The following PGC variants were observed in gnomAD, a reference collection of about 807,000 sequenced individuals.
PGC encodes gastricsin.
PGC carries 31 observed loss-of-function variants against 45.9 expected under a neutral mutation model. The ratio of observed to expected loss-of-function variants is 0.67; its 90% CI spans 0.51 to 0.91. The LOEUF (loss-of-function observed/expected upper bound fraction) is 0.91, where lower values mean the gene tolerates loss of function less well. Ranked by LOEUF, PGC falls within the 40% of genes least tolerant of loss-of-function variation. PGC has a pLI of 0.00. For missense variants in PGC, 477 were observed against 493.2 expected, an observed-to-expected ratio of 0.97 and a Z score of 0.31; for synonymous variants, 192 against 201.8, an observed-to-expected ratio of 0.95 and a Z score of 0.41.
rs757735388 is a variant in PGC at position 41,742,287 on chromosome 6, C to T, written c.647+3G>A. 1.9e-6 allele frequency: 3 copies of T among 1,613,074 alleles called. No individual in the cohort carries two copies. Among genetic ancestry groups the T allele is most frequent in the Admixed American group, 3.3e-5 (2 of 60,006 alleles). ...GGTGGGGACTGGCCAGCTGGTTGCT[C>T]ACTTGCTGAGGTAGACGCTGAAGAC... On this transcript the variant is annotated splice_donor_region_variant and intron_variant, in intron 5 of 8. Transcript: ENST00000373025.
intron 7 of PGC, among the ~76,000 whole-genome samples, chr6:41,738,201 T>TACATATATATAC (rs1561879826): frequency 6.4e-5 from 1 of 15,664 alleles, no homozygotes; most frequent in Non-Finnish European, 2.5e-4. Flanking sequence ...CATATATATA[T>TACATATATATAC]GCATATATAT....
At chr6:41,741,925 G>A in intron 5 of PGC, 1 of 1,125,606 alleles carries the variant, frequency 8.9e-7, no homozygotes, top group Non-Finnish European at 1.3e-6. Context: ...CGGTCAGAAG[G>A]AAGTGAGCGA....
rs1253348248 is a variant in PGC, at chr6:41,744,855, T to C, written c.60-47A>G. ...GGCAAGGCCCTCCCTCCTTCCTCTC[T>C]TCCCACTCCTCTCTTTCTCTCTCTC... On this transcript the variant is annotated intron_variant, in intron 1 of 8. Coordinates refer to ENST00000373025, the MANE Select transcript of PGC (RefSeq NM_002630.4). The surrounding 1 kb of genome is among the most constrained non-coding windows in gnomAD (Gnocchi z 4.4). The C allele has an allele frequency of 1.3e-6, 2 of 1,537,736 alleles. No individual in the cohort carries two copies. The highest frequency in any genetic ancestry group is 1.8e-5 in the Admixed American group (1 of 55,642).
At position 41,744,678 on chromosome 6, in the gene PGC, C is replaced by T. The variant is rs763869924; in HGVS notation, c.190G>A (p.Glu64Lys). 3 of 1,614,122 alleles carry T rather than the reference C, an allele frequency of 1.9e-6. No homozygotes were observed. Among genetic ancestry groups the T allele is most frequent in the Non-Finnish European group, 8.5e-7 (1 of 1,180,014 alleles). Residue 64 changes from glutamate (E) to lysine (K), a missense_variant, in exon 2 of 9, where the codon GAG becomes AAG. Transcript: ENST00000373025. The surrounding 1 kb of genome is among the most constrained non-coding windows in gnomAD (Gnocchi z 4.4). ...CTCACATCCATGTAGGCCATGGGCT[C>T]GTAGGTCACGCTGAGGTCACCAAAG... is the stretch of plus-strand genomic sequence containing the variant. ...YRFGDLSVTY[E>K]PMAYMDAAYF...
Position 41,739,921 on chromosome 6 carries a change from C to A in PGC, c.793G>T (p.Gly265Cys), listed in dbSNP as rs201201501. ...EEFLIGGQAS[G>C]WCSEGCQAIV... ...GCCTGGCAACCCTCAGAACACCAGC[C>A]GGAGGCCTGGCCGCCGATGAGGAAC... is the stretch of plus-strand genomic sequence containing the variant. The change falls in exon 7 of 9, where the codon GGC (glycine) becomes TGC (cysteine). Residue 265 changes from glycine (G) to cysteine (C), a missense_variant. Coordinates refer to ENST00000373025, the MANE Select transcript of PGC (RefSeq NM_002630.4). 6.2e-7 allele frequency: 1 copy of A among 1,614,040 alleles called. No homozygotes were observed. The highest frequency in any genetic ancestry group is 1.1e-5 in the South Asian group (1 of 91,088).
intron 6 of PGC, among the ~76,000 whole-genome samples, chr6:41,740,214 T>C (rs1051491134): frequency 6.6e-6 from 1 of 152,150 alleles, no homozygotes; most frequent in Admixed American, 6.5e-5. Flanking sequence ...ACACCTTCGT[T>C]TCTAATCTGT....
chr6:41,742,254 T>C (rs995269598), intron 5 of PGC, 36 bp downstream of exon 5: 1 of 1,593,124 alleles, frequency 6.3e-7, no homozygotes, highest in South Asian at 1.1e-5. Context: ...CGGGGGAGCA[T>C]CCCGGGAGGT....
At position 41,740,480 on chromosome 6, in the gene PGC, C is replaced by T. The variant is rs750621883; in HGVS notation, c.767+11G>A. On this transcript the variant is annotated intron_variant, in intron 6 of 8. Transcript: ENST00000373025. Reference sequence around the variant, plus strand: ...AAGTGCCACATCCCCAGGGCCCCACCGCAGACTCACTCTTCAATGCCAATC... The same window carrying T: ...AAGTGCCACATCCCCAGGGCCCCACTGCAGACTCACTCTTCAATGCCAATC... 1.4e-5 allele frequency: 23 copies of T among 1,603,998 alleles called. No homozygotes were observed. Among genetic ancestry groups the T allele is most frequent in the South Asian group, 1.3e-4 (12 of 89,730 alleles).
rs139553524 is a variant in PGC, at chr6:41,743,312, T to A, written c.406A>T (p.Ser136Cys). The stretch of plus-strand genomic sequence containing the variant: ...CCAAAGAAGCCGGTGAGGCTGCCAC[T>A]GCCATACTGCAGGGAGAAGGTCTGC... ...NGQTFSLQYG[S>C]GSLTGFFGYD... Residue 136 changes from serine to cysteine, a missense_variant, in exon 4 of 9, where the codon AGT (serine) becomes TGT (cysteine). Physicochemically the swap from Ser to Cys is moderately radical, Grantham distance 112 (BLOSUM62 -1). Transcript: ENST00000373025. 6.2e-7 allele frequency: 1 copy of A among 1,613,972 alleles called. No individual in the cohort carries two copies. Among genetic ancestry groups the A allele is most frequent in the Non-Finnish European group, 8.5e-7 (1 of 1,179,840 alleles).
At chr6:41,738,171 T>TGC (rs1561879714) in intron 7 of PGC, among the ~76,000 whole-genome samples, 10 of 52,354 alleles carry the variant, frequency 1.9e-4, no homozygotes, top group Non-Finnish European at 3.4e-4. Flanking sequence ...TATATGCATA[T>TGC]ATATATACAT....
chr6:41,744,815 A>G lies in PGC; in HGVS notation c.60-7T>C. On this transcript the variant is annotated splice_polypyrimidine_tract_variant and splice_region_variant and intron_variant, in intron 1 of 8. Transcript: ENST00000373025. The surrounding 1 kb of genome is among the most constrained non-coding windows in gnomAD (Gnocchi z 4.4). ...AAATTTCTTCAGGGGCACTCTACAG[A>G]AAGGTTGCATATGAGGCAAGGCCCT... The G allele has an allele frequency of 6.2e-7, 1 of 1,613,138 alleles. No homozygotes were observed. Among genetic ancestry groups the G allele is most frequent in the Non-Finnish European group, 8.5e-7 (1 of 1,179,526 alleles).
At chr6:41,746,144 A>G (rs1350280817) in intron 1 of PGC, among the ~76,000 whole-genome samples, 2 of 150,578 alleles carry the variant, frequency 1.3e-5, no homozygotes, top group African/African-American at 5.0e-5. Context: ...CCTGGGCAAC[A>G]AGAGCGAAGT....
rs547995111 is a variant in PGC, at chr6:41,740,851, G to C, written c.648-241C>G. 5.6e-6 allele frequency: 8 copies of C among 1,429,758 alleles called. No individual in the cohort carries two copies. The East Asian group carries it at 2.0e-4, about 36-fold the overall frequency. The allele number at this position is 1,429,758 out of a possible 1,614,324, so 88.6% of individuals were successfully genotyped here. On this transcript the variant is annotated intron_variant, in intron 5 of 8. Coordinates refer to ENST00000373025, the MANE Select transcript of PGC (RefSeq NM_002630.4). ...ACTGGGCCTCCCTGAGGACGAGTCT[G>C]TGTCTCCCTCAGACTGGGGCTCCCT...
rs765013597 is a variant in PGC, at chr6:41,744,655, C to T, written c.210+3G>A. On this transcript the variant is annotated splice_donor_region_variant and intron_variant, in intron 2 of 8. Transcript: ENST00000373025. This position sits in a 1 kb window ranked among gnomAD's most constrained non-coding sequence, Gnocchi z 4.4. ...GCTACCGCCAGAAAGGGTCAGGACT[C>T]ACATCCATGTAGGCCATGGGCTCGT... 1.6e-5 allele frequency: 26 copies of T among 1,613,890 alleles called. No individual in the cohort carries two copies. Among genetic ancestry groups the T allele is most frequent in the Middle Eastern group, 1.6e-4 (1 of 6,084 alleles).
rs146003555 is a variant in PGC, at chr6:41,743,311, C to T, written c.407G>A (p.Ser136Asn). ...NGQTFSLQYG[S>N]GSLTGFFGYD... is the part of the protein sequence containing the mutation. ...GCCAAAGAAGCCGGTGAGGCTGCCA[C>T]TGCCATACTGCAGGGAGAAGGTCTG... Residue 136 changes from serine to asparagine, a missense_variant, in exon 4 of 9, where the codon AGT becomes AAT. Transcript: ENST00000373025. 1 of 1,613,980 alleles carries T rather than the reference C, an allele frequency of 6.2e-7. No individual in the cohort carries two copies. The highest frequency in any genetic ancestry group is 1.7e-5 in the Admixed American group (1 of 60,030).
intron 8 of PGC, 37 bp downstream of exon 8, chr6:41,737,691 CCA>C: frequency 7.8e-7 from 1 of 1,282,208 alleles, no homozygotes; most frequent in Non-Finnish European, 1.1e-6. Flanking sequence ...CCTCCCAACC[CCA>C]ATCATGGTGG....
intron 5 of PGC, chr6:41,741,253 AC>A: frequency 1.4e-6 from 2 of 1,449,994 alleles, no homozygotes; most frequent in Non-Finnish European, 1.8e-6. Context: ...GGAATCATAA[AC>A]AGAGGTGGAG....
At chr6:41,741,648 A>AAAAACAAAAC in intron 5 of PGC, 1 of 655,288 alleles carries the variant, frequency 1.5e-6, no homozygotes, top group Non-Finnish European at 2.7e-6. Flanking sequence ...CCCATCTCAA[A>AAAAACAAAAC]AAAACAAAAC....
At chr6:41,745,018 C>A (rs1003376459) in intron 1 of PGC, among the ~76,000 whole-genome samples, 2 of 150,444 alleles carry the variant, frequency 1.3e-5, no homozygotes, top group Admixed American at 6.6e-5. Flanking sequence ...TGTGTGTGCG[C>A]GCGCGCGTGT....
Sources: gnomAD v4.1 joint callset for allele counts (sites outside exome capture counted in the v4.1 genomes callset) on GRCh38, gnomAD v4.1.1 for gene constraint, Gnocchi (gnomAD v3.1) non-coding constraint, MANE v1.5 for transcripts, NCBI Gene and HGNC (gene_info 2026-07-23, HGNC 2026-07-21) for gene names.